TTC28: variants seen among roughly 807,000 people sequenced by gnomAD.
TTC28 encodes tetratricopeptide repeat protein 28.
Under a neutral mutation model 198.0 loss-of-function variants are expected in TTC28, and 61 were observed. The ratio of observed to expected loss-of-function variants is 0.31; its 90% confidence interval spans 0.25 to 0.38. The LOEUF (loss-of-function observed/expected upper bound fraction) is 0.38, where lower values mean the gene tolerates loss of function less well. TTC28 is among the 10% of genes least tolerant of loss of function. The pLI is 1.00. For missense variants in TTC28, 2,678 were observed against 3,164.0 expected, an observed-to-expected ratio of 0.85 and a Z score of 3.69; for synonymous variants, 1,171 against 1,297.8, an observed-to-expected ratio of 0.90 and a Z score of 2.10.
intron 12 of TTC28, among the ~76,000 whole-genome samples, chr22:28,062,383 G>A (rs769839427): frequency 6.3e-5 from 8 of 127,648 alleles, no homozygotes; most frequent in Non-Finnish European, 1.4e-4. Context: ...ATTATTTTCT[G>A]TTGTGCCCTG....
At chr22:28,392,720 C>A (rs2046750664) in intron 2 of TTC28, among the ~76,000 whole-genome samples, 1 of 152,142 alleles carries the variant, frequency 6.6e-6, no homozygotes, top group African/African-American at 2.4e-5. Flanking sequence ...GTGCGCGCAC[C>A]CACTGACCTG....
At position 27,981,119 on chromosome 22, in the gene TTC28, A is replaced by AAGAC. The variant is rs1009778321; in HGVS notation, c.*1098_*1101dup. 1.4e-4 allele frequency: 21 copies of AAGAC among 152,106 alleles called. No individual in the cohort carries two copies. Among genetic ancestry groups the AAGAC allele is most frequent in the Non-Finnish European group, 1.8e-4 (12 of 68,086 alleles). 9.4% of individuals were successfully genotyped at this position (152,106 alleles called of 1,614,324 possible). A position where few individuals can be genotyped will look rare whatever the true frequency, so the allele number is the denominator to read the frequency against. ...GGGACCTGGCAAAGGATTTAGATAT[A>AAGAC]AGACAACTGAGGGACCTGGAGTTGG... On this transcript the variant is annotated 3_prime_UTR_variant, in exon 23 of 23. Transcript: ENST00000397906.
intron 2 of TTC28, among the ~76,000 whole-genome samples, chr22:28,442,328 T>C (rs1055048693): frequency 1.3e-5 from 2 of 152,214 alleles, no homozygotes; most frequent in African/African-American, 4.8e-5. Context: ...GGCCCGGCTA[T>C]GGCCAGCCCC....
chr22:28,585,519 A>C (rs1189018585), intron 2 of TTC28, among the ~76,000 whole-genome samples: 2 of 152,162 alleles, frequency 1.3e-5, no homozygotes. Flanking sequence ...CTGTAAATGC[A>C]GATGAAGCTT....
intron 10 of TTC28, among the ~76,000 whole-genome samples, chr22:28,096,614 C>T (rs1267177207): frequency 6.6e-6 from 1 of 152,162 alleles, no homozygotes; most frequent in Non-Finnish European, 1.5e-5. Flanking sequence ...TCCACACTAC[C>T]CTAAGCCATC....
intron 5 of TTC28, among the ~76,000 whole-genome samples, chr22:28,168,094 T>A (rs535713667): frequency 2.2e-4 from 34 of 152,142 alleles, no homozygotes; most frequent in African/African-American, 7.7e-4. Flanking sequence ...GAATAAAATA[T>A]CTAGGAATTC....
intron 2 of TTC28, among the ~76,000 whole-genome samples, chr22:28,566,881 C>G (rs921389641): frequency 6.6e-6 from 1 of 151,924 alleles, no homozygotes; most frequent in African/African-American, 2.4e-5. Flanking sequence ...CCCAGGAGTT[C>G]GAGACCAGCC....
chr22:27,986,531 C>T (rs1937221050), intron 21 of TTC28: 6 of 152,224 alleles, frequency 3.9e-5, no homozygotes, highest in Admixed American at 3.9e-4. Flanking sequence ...GCATTGAGAG[C>T]ACTGGGTAGA....
intron 2 of TTC28, among the ~76,000 whole-genome samples, chr22:28,435,435 T>C (rs2047505827): frequency 1.3e-5 from 2 of 152,230 alleles, no homozygotes; most frequent in South Asian, 4.1e-4. Context: ...CAGCTTTCAA[T>C]AAAATGACAT....
intron 2 of TTC28, among the ~76,000 whole-genome samples, chr22:28,491,728 A>T (rs2048382153): frequency 2.0e-5 from 3 of 152,210 alleles, no homozygotes; most frequent in Admixed American, 2.0e-4. Context: ...TAGAACTAGA[A>T]ATACCATTTG....
intron 14 of TTC28, among the ~76,000 whole-genome samples, chr22:28,012,244 G>A (rs1050247111): frequency 6.6e-6 from 1 of 152,228 alleles, no homozygotes; most frequent in African/African-American, 2.4e-5. Flanking sequence ...GCTTTAAGCT[G>A]GAGAATTCTC....
rs1463245466 is a variant in TTC28, at chr22:27,983,120, T to G, written c.6547A>C (p.Ser2183Arg). The G allele has an allele frequency of 6.4e-7, 1 of 1,551,654 alleles. No homozygotes were observed. The highest frequency in any genetic ancestry group is 1.4e-5 in the African/African-American group (1 of 73,054). ...TTACTCTTGCTCACCTGGCCGCCGCTCCTCTGAAGACGCTCCACCGCAATG... is the reference window on the plus strand; with the variant it reads ...TTACTCTTGCTCACCTGGCCGCCGCGCCTCTGAAGACGCTCCACCGCAATG... Reference protein sequence around the residue: ...HLIAVERLQRSGGQVSKSNNP... With the variant: ...HLIAVERLQRRGGQVSKSNNP... Residue 2183 changes from serine to arginine, a missense_variant, in exon 23 of 23, where the codon AGC becomes CGC. Around this residue, in one of 8 missense-constraint regions of TTC28, gnomAD observed 622 missense variants for 656.0 expected, o/e 0.95. Transcript: ENST00000397906.
chr22:28,069,526 C>T (rs1220579973), intron 12 of TTC28, among the ~76,000 whole-genome samples: 5 of 152,130 alleles, frequency 3.3e-5, no homozygotes, highest in Non-Finnish European at 7.3e-5. Context: ...CTCAGCAAAG[C>T]ATCTTATATA....
At position 28,107,295 on chromosome 22, in the gene TTC28, C is replaced by T. The variant is rs1942336923; in HGVS notation, c.2550G>A (p.Met850Ile). 1 of 1,551,840 alleles carries T rather than the reference C, an allele frequency of 6.4e-7. No homozygotes were observed. Among genetic ancestry groups the T allele is most frequent in the Non-Finnish European group, 8.7e-7 (1 of 1,147,016 alleles). ...GCTCAAAGTAGCCAATGGCTTCTTC[C>T]ATCACATTCATGTTCATCTTTGTGA... ...MGITKMNMNVMEEAIGYFEQQ... is the reference protein window; with the variant it reads ...MGITKMNMNVIEEAIGYFEQQ... Residue 850 changes from methionine to isoleucine, a missense_variant, in exon 7 of 23, where the codon ATG (methionine) becomes ATA (isoleucine). Met to Ile is a conservative substitution (Grantham distance 10). This residue lies in a region of TTC28 where 775 missense variants were observed against 845.9 expected (regional missense o/e 0.92). Transcript: ENST00000397906.
Position 28,483,025 on chromosome 22 carries a change from T to C in TTC28, c.381+146527A>G, listed in dbSNP as rs12627806. ...TTACCTGTTGTGAATAGTGTTACTA[T>C]GCTATATATTTGTTTGAATAGTGTT... On this transcript the variant is annotated intron_variant, in intron 2 of 22. Transcript: ENST00000397906. Among the ~76,000 whole-genome samples, 58 of 152,344 alleles carry C rather than the reference T, an allele frequency of 3.8e-4. 1 individual carries two copies. The East Asian group carries it at 0.01, about 26-fold the overall frequency.
chr22:28,004,377 C>A (rs1235725403), intron 14 of TTC28, among the ~76,000 whole-genome samples: 3 of 152,180 alleles, frequency 2.0e-5, no homozygotes, highest in Non-Finnish European at 4.4e-5. Flanking sequence ...CAGACCAGGG[C>A]ATGCCCACCA....
chr22:27,996,123 C>A lies in TTC28; in HGVS notation c.5244+12G>T. On this transcript the variant is annotated intron_variant, in intron 17 of 22. Coordinates refer to ENST00000397906, the MANE Select transcript of TTC28 (RefSeq NM_001145418.2). ...CAGCTCTCGTTGAGTGCAGGGTGCC[C>A]GACCCCCTTACCAGGTGCAGCAGCA... 6.5e-7 allele frequency: 1 copy of A among 1,545,882 alleles called. No individual in the cohort carries two copies.
At chr22:28,087,383 G>T (rs548259669) in intron 12 of TTC28, among the ~76,000 whole-genome samples, 1 of 152,028 alleles carries the variant, frequency 6.6e-6, no homozygotes, top group Non-Finnish European at 1.5e-5. Flanking sequence ...ATGTAATCCA[G>T]TATATAAACA....
chr22:28,276,041 C>T (rs889486026), intron 5 of TTC28, among the ~76,000 whole-genome samples: 1 of 151,392 alleles, frequency 6.6e-6, no homozygotes, highest in Non-Finnish European at 1.5e-5. Context: ...TTAGAAAGGG[C>T]CTCACTGTCA....
Sources: allele counts gnomAD v4.1 joint callset (sites outside exome capture counted in the v4.1 genomes callset), GRCh38; gene constraint gnomAD v4.1.1; regional missense constraint gnomAD v4.1.1; transcripts MANE v1.5; gene names NCBI Gene and HGNC (gene_info 2026-07-23, HGNC 2026-07-21).